DLG1: variants seen among roughly 807,000 people sequenced by gnomAD.
DLG1 encodes disks large homolog 1.
DLG1 carries 42 observed loss-of-function variants against 123.4 expected under a neutral mutation model. The ratio of observed to expected loss-of-function variants is 0.34; its 90% CI spans 0.27 to 0.44. The LOEUF (loss-of-function observed/expected upper bound fraction) is 0.44, where lower values mean the gene tolerates loss of function less well. Among genes scored for constraint, DLG1 ranks in the 20% least tolerant of loss-of-function variants. The pLI is 1.00. For synonymous variants in DLG1, 317 were observed against 356.2 expected (o/e 0.89, Z 1.24); for missense variants, 942 against 1,082.6 (o/e 0.87, Z 1.82).
At chr3:197,066,831 T>G (rs1352055593) in intron 19 of DLG1, 77 bp from the exon 20 acceptor site, 1 of 961,454 alleles carries the variant, frequency 1.0e-6, no homozygotes, top group Non-Finnish European at 1.6e-6. Flanking sequence ...AAACAACATA[T>G]ACATTACTAG....
intron 5 of DLG1, among the ~76,000 whole-genome samples, chr3:197,193,146 A>G (rs1210989384): frequency 6.6e-6 from 1 of 152,168 alleles, no homozygotes; most frequent in African/African-American, 2.4e-5. Flanking sequence ...GAAAATACAC[A>G]CAACCAACAA....
At chr3:197,231,809 C>A (rs1452510820) in intron 4 of DLG1, among the ~76,000 whole-genome samples, 2 of 152,090 alleles carry the variant, frequency 1.3e-5, no homozygotes, top group African/African-American at 2.4e-5. Context: ...AATGTCAAAT[C>A]AAATGCAGTA....
chr3:197,048,520 G>C (rs777281079), intron 24 of DLG1, among the ~76,000 whole-genome samples: 97 of 152,222 alleles, frequency 6.4e-4, no homozygotes, highest in Non-Finnish European at 1.2e-3. Context: ...CTGTGTGGAT[G>C]GCTGTTATCA....
Position 197,044,576 on chromosome 3 carries a change from C to G in DLG1, c.*47G>C. 1 of 1,385,700 alleles carries G rather than the reference C, an allele frequency of 7.2e-7. No individual in the cohort carries two copies. Among genetic ancestry groups the G allele is most frequent in the South Asian group, 1.2e-5 (1 of 83,206 alleles). 85.8% of individuals were successfully genotyped at this position (1,385,700 alleles called of 1,614,324 possible). A position where few individuals can be genotyped will look rare whatever the true frequency, so the allele number is the denominator to read the frequency against. ...TCCAGAGGAAAGGGCAAAGAGATGC[C>G]AAAGAAAATGGAATTGTGGAAAAGA... On this transcript the variant is annotated 3_prime_UTR_variant, in exon 25 of 25. Coordinates refer to ENST00000667157, the MANE Select transcript of DLG1 (RefSeq NM_001366207.1).
Position 197,085,761 on chromosome 3 carries a change from A to G in DLG1, c.1662-5T>C, listed in dbSNP as rs759956131. The G allele has an allele frequency of 1.2e-5, 20 of 1,607,068 alleles. No homozygotes were observed. Among genetic ancestry groups the G allele is most frequent in the Non-Finnish European group, 1.7e-5 (20 of 1,178,094 alleles). ...TTGTCATAATCAAAAAGGGCTCTAG[A>G]GTCAGAAGAAAAAAAGTCCATAATC... On this transcript the variant is annotated splice_polypyrimidine_tract_variant and splice_region_variant and intron_variant, in intron 15 of 24. Coordinates refer to ENST00000667157, the MANE Select transcript of DLG1 (RefSeq NM_001366207.1).
intron 4 of DLG1, among the ~76,000 whole-genome samples, chr3:197,234,933 A>T (rs1031792671): frequency 6.6e-6 from 1 of 152,166 alleles, no homozygotes; most frequent in Non-Finnish European, 1.5e-5. Context: ...AACCAGCTTA[A>T]ATCTATTGTG....
chr3:197,067,785 G>A (rs1481449627), intron 19 of DLG1, among the ~76,000 whole-genome samples: 1 of 152,140 alleles, frequency 6.6e-6, no homozygotes, highest in Non-Finnish European at 1.5e-5. Context: ...TCGAACTCCT[G>A]ACCTCAGGTG....
intron 5 of DLG1, among the ~76,000 whole-genome samples, chr3:197,187,001 T>C (rs1716460372): frequency 1.3e-5 from 2 of 152,204 alleles, no homozygotes; most frequent in South Asian, 2.1e-4. Flanking sequence ...AAATGCAATA[T>C]AACAGGCATT....
chr3:197,054,155 G>GT (rs1329762190), intron 23 of DLG1, among the ~76,000 whole-genome samples: 1 of 152,118 alleles, frequency 6.6e-6, no homozygotes, highest in East Asian at 1.9e-4. Flanking sequence ...CTTGTGTGTG[G>GT]TAAGTTGCTG....
intron 4 of DLG1, among the ~76,000 whole-genome samples, chr3:197,205,997 T>C (rs933667979): frequency 2.6e-5 from 4 of 152,204 alleles, no homozygotes; most frequent in Non-Finnish European, 5.9e-5. Context: ...CCAAATAATT[T>C]AGGATAATCT....
At position 197,144,161 on chromosome 3, in the gene DLG1, C is replaced by G. The variant is rs78056307; in HGVS notation, c.538-1393G>C. On this transcript the variant is annotated intron_variant, in intron 6 of 24. Transcript: ENST00000667157. ...TCTTTCCTCTTCAATTAGATCTAGG[C>G]AAGCCCTGTGACTAGCTTTGACTAA... 1.5e-4 allele frequency among the ~76,000 whole-genome samples: 23 copies of G among 152,334 alleles called. No homozygotes were observed. The East Asian group carries it at 4.4e-3, about 29-fold the overall frequency.
At chr3:197,183,042 C>A (rs1056076428) in intron 5 of DLG1, among the ~76,000 whole-genome samples, 1 of 152,054 alleles carries the variant, frequency 6.6e-6, no homozygotes, top group African/African-American at 2.4e-5. Context: ...AAAAACGATT[C>A]ATTAAATCCC....
chr3:197,163,687 ATTTTTTTT>A (rs56865627), intron 5 of DLG1, among the ~76,000 whole-genome samples: 108 of 102,056 alleles, frequency 1.1e-3, no homozygotes, highest in African/African-American at 2.7e-3. Flanking sequence ...ATGCTCAGCT[ATTTTTTTT>A]TTTTTTTTTT....
intron 5 of DLG1, among the ~76,000 whole-genome samples, chr3:197,176,712 T>C (rs1451223927): frequency 2.6e-5 from 4 of 152,160 alleles, no homozygotes; most frequent in Admixed American, 6.5e-5. Context: ...CACTGAGGAA[T>C]ATGTTGGTTG....
intron 4 of DLG1, among the ~76,000 whole-genome samples, chr3:197,214,491 T>G (rs905859286): frequency 2.0e-5 from 3 of 151,940 alleles, no homozygotes; most frequent in Non-Finnish European, 4.4e-5. Context: ...GAGAATGGCG[T>G]GAACCCAGGA....
At chr3:197,257,258 C>G (rs1244970888) in intron 4 of DLG1, among the ~76,000 whole-genome samples, 2 of 152,036 alleles carry the variant, frequency 1.3e-5, no homozygotes, top group Non-Finnish European at 2.9e-5. Flanking sequence ...CCAAAGGAGT[C>G]AAATTTTGTA....
At chr3:197,192,683 C>T (rs910469444) in intron 5 of DLG1, among the ~76,000 whole-genome samples, 1 of 152,034 alleles carries the variant, frequency 6.6e-6, no homozygotes, top group Non-Finnish European at 1.5e-5. Context: ...TACATATACA[C>T]ATATGAATGT....
intron 5 of DLG1, among the ~76,000 whole-genome samples, chr3:197,153,088 A>AACAAGTGCTTT (rs1195753098): frequency 3.9e-5 from 6 of 152,188 alleles, no homozygotes; most frequent in Non-Finnish European, 7.4e-5. Context: ...CTCAATTATG[A>AACAAGTGCTTT]ACAAGTGCTT....
chr3:197,173,257 A>G (rs1805190549), intron 5 of DLG1, among the ~76,000 whole-genome samples: 1 of 152,192 alleles, frequency 6.6e-6, no homozygotes, highest in African/African-American at 2.4e-5. Flanking sequence ...AATGAAAATG[A>G]TGGTGGTGGC....
Sources: gnomAD v4.1 joint callset for allele counts (sites outside exome capture counted in the v4.1 genomes callset) on GRCh38, gnomAD v4.1.1 for gene constraint, MANE v1.5 for transcripts, NCBI Gene and HGNC (gene_info 2026-07-23, HGNC 2026-07-21) for gene names.